Variants in SPSB1 observed in about 807,000 individuals in gnomAD.
The protein encoded by SPSB1 is SPRY domain-containing SOCS box protein 1.
SPSB1 carries 8 observed loss-of-function variants against 21.2 expected under a neutral mutation model. The ratio of observed to expected loss-of-function variants is 0.38; its 90% CI spans 0.22 to 0.68. SPSB1 has a LOEUF of 0.68. Among genes scored for constraint, SPSB1 ranks in the 30% least tolerant of loss-of-function variants. The pLI, the probability that SPSB1 is intolerant of heterozygous loss-of-function variation, is 0.53. For missense variants in SPSB1, 242 were observed against 377.8 expected (o/e 0.64, Z 2.98); for synonymous variants, 169 against 161.7 (o/e 1.05, Z -0.34).
intron 1 of SPSB1, among the ~76,000 whole-genome samples, chr1:9,299,229 C>G (rs1639275128): frequency 1.3e-5 from 2 of 152,228 alleles, no homozygotes; most frequent in Admixed American, 6.5e-5. Context: ...CAGTTTGCAT[C>G]CAGCTGGTAA....
At chr1:9,360,645 CCT>C (rs1280157098) in intron 2 of SPSB1, among the ~76,000 whole-genome samples, 4 of 152,202 alleles carry the variant, frequency 2.6e-5, no homozygotes, top group African/African-American at 7.2e-5. Context: ...TGAGTCCCAG[CCT>C]CTGTTTCCCC....
At chr1:9,311,021 T>A (rs1358129570) in intron 1 of SPSB1, among the ~76,000 whole-genome samples, 1 of 152,186 alleles carries the variant, frequency 6.6e-6, no homozygotes, top group African/African-American at 2.4e-5. Context: ...CTTCTAATTG[T>A]ATCCTATCGG....
At chr1:9,325,215 T>TC (rs1264494421) in intron 1 of SPSB1, among the ~76,000 whole-genome samples, 47 of 25,272 alleles carry the variant, frequency 1.9e-3, no homozygotes, top group South Asian at 5.6e-3. Context: ...AGCCAATGCC[T>TC]CCCACCACCA....
At chr1:9,352,539 G>A (rs1272552052) in intron 1 of SPSB1, among the ~76,000 whole-genome samples, 1 of 152,184 alleles carries the variant, frequency 6.6e-6, no homozygotes, top group Non-Finnish European at 1.5e-5. Flanking sequence ...TCAAAGCCAG[G>A]CATTTACTAT....
At chr1:9,354,114 T>C (rs1640321881) in intron 1 of SPSB1, among the ~76,000 whole-genome samples, 1 of 152,178 alleles carries the variant, frequency 6.6e-6, no homozygotes, top group Non-Finnish European at 1.5e-5. Flanking sequence ...GAGGGAGCTC[T>C]AGGCCAGCCC....
intron 2 of SPSB1, among the ~76,000 whole-genome samples, chr1:9,360,074 CAGAG>C (rs1414911592): frequency 2.0e-5 from 3 of 152,146 alleles, no homozygotes; most frequent in Non-Finnish European, 2.9e-5. Flanking sequence ...AGCCTAGTCT[CAGAG>C]AGCGGTCAGT....
chr1:9,361,166 T>TTTCTTTTTTTTC (rs1557467318), intron 2 of SPSB1, among the ~76,000 whole-genome samples: 3 of 141,068 alleles, frequency 2.1e-5, no homozygotes, highest in African/African-American at 8.1e-5. Context: ...CTTTTTTTTT[T>TTTCTTTTTTTTC]TTTTTTTTTT....
At chr1:9,312,357 G>C (rs1639534160) in intron 1 of SPSB1, among the ~76,000 whole-genome samples, 1 of 151,934 alleles carries the variant, frequency 6.6e-6, no homozygotes, top group Non-Finnish European at 1.5e-5. Flanking sequence ...AAAGCAGGGA[G>C]TCCCTGACCT....
Position 9,363,362 on chromosome 1 carries a change from G to C in SPSB1, c.695-4086G>C, listed in dbSNP as rs1640508897. ...CACTGCCACTTCTCTAGCCCGTCTT[G>C]GTGGATCCCATGACCCATCCCTAAC... On this transcript the variant is annotated intron_variant, in intron 2 of 2. Coordinates refer to ENST00000328089, the MANE Select transcript of SPSB1 (RefSeq NM_025106.4). The surrounding 1 kb of genome is among the most constrained non-coding windows in gnomAD (Gnocchi z 4.5). Among the ~76,000 whole-genome samples the C allele has an allele frequency of 6.6e-6, 1 of 152,144 alleles. No individual in the cohort carries two copies. Among genetic ancestry groups the C allele is most frequent in the South Asian group, 2.1e-4 (1 of 4,810 alleles).
intron 1 of SPSB1, among the ~76,000 whole-genome samples, chr1:9,319,608 G>A (rs1024610955): frequency 2.6e-5 from 4 of 152,300 alleles, no homozygotes; most frequent in Middle Eastern, 3.4e-3. Context: ...TGTGTCTCAC[G>A]GTGGCTGATG....
chr1:9,332,392 G>T (rs1237100330), intron 1 of SPSB1, among the ~76,000 whole-genome samples: 1 of 152,186 alleles, frequency 6.6e-6, no homozygotes, highest in Non-Finnish European at 1.5e-5. Context: ...AGGAATTGAG[G>T]GAGATGAGGG....
intron 1 of SPSB1, among the ~76,000 whole-genome samples, chr1:9,354,857 C>G (rs1640336328): frequency 6.6e-6 from 1 of 152,020 alleles, no homozygotes; most frequent in Non-Finnish European, 1.5e-5. Flanking sequence ...GTAGATGATG[C>G]AGTGAGATCT....
In SPSB1 at chr1:9,356,200, G is replaced by A. The variant is rs34876467; in HGVS notation, c.309G>A (p.Thr103=). The A allele has an allele frequency of 9.7e-4, 1,542 of 1,590,826 alleles. 18 individuals are homozygous for A. In the African/African-American group the frequency reaches 0.019, roughly 19 times the overall value. ...YTRGLHVWQI[T]WAMRQRGTHA... Reference sequence around the variant, plus strand: ...GTGGGCTGCACGTGTGGCAGATCACGTGGGCCATGAGACAGCGGGGCACAC... The same window carrying A: ...GTGGGCTGCACGTGTGGCAGATCACATGGGCCATGAGACAGCGGGGCACAC... The change falls in exon 2 of 3, where the codon ACG becomes ACA. Residue 103 remains threonine (T), a synonymous_variant. Coordinates refer to ENST00000328089, the MANE Select transcript of SPSB1 (RefSeq NM_025106.4). The surrounding 1 kb of genome is among the most constrained non-coding windows in gnomAD (Gnocchi z 7.4).
rs559803680 is a variant in SPSB1, at chr1:9,324,921, G to A, written c.-149-30822G>A. Among the ~76,000 whole-genome samples, 1 of 152,218 alleles carries A rather than the reference G, an allele frequency of 6.6e-6. No individual in the cohort carries two copies. The highest frequency in any genetic ancestry group is 1.9e-4 in the East Asian group (1 of 5,198). ...GCTTTCTTGGAAAAGCGAGTGGGGT[G>A]GGGGAGCAGGGACACCCGGCCTGGC... On this transcript the variant is annotated intron_variant, in intron 1 of 2. Coordinates refer to ENST00000328089, the MANE Select transcript of SPSB1 (RefSeq NM_025106.4). This position sits in a 1 kb window ranked among gnomAD's most constrained non-coding sequence, Gnocchi z 4.3.
chr1:9,306,509 A>C (rs1448120742), intron 1 of SPSB1, among the ~76,000 whole-genome samples: 2 of 152,174 alleles, frequency 1.3e-5, no homozygotes, highest in Non-Finnish European at 2.9e-5. Context: ...CTGTGCATGC[A>C]TCAAGTCATT....
chr1:9,293,037 T>C lies in SPSB1; in HGVS notation c.-184T>C, dbSNP rs1639146028. 4.1e-6 allele frequency: 4 copies of C among 978,406 alleles called. No individual in the cohort carries two copies. Among genetic ancestry groups the C allele is most frequent in the Admixed American group, 6.3e-5 (1 of 15,790 alleles). The allele number at this position is 978,406 out of a possible 1,614,324, so 60.6% of individuals were successfully genotyped here. A position where few individuals can be genotyped will look rare whatever the true frequency, so the allele number is the denominator to read the frequency against. On this transcript the variant is annotated 5_prime_UTR_variant, in exon 1 of 3. Transcript: ENST00000328089. This position sits in a 1 kb window ranked among gnomAD's most constrained non-coding sequence, Gnocchi z 5.1. ...CCGGGCGCCCGAGCCTCCTCGGCCT[T>C]GGAGAGCAGCGGCGGCGGCGGCACC...
intron 1 of SPSB1, among the ~76,000 whole-genome samples, chr1:9,301,447 C>T (rs1314676128): frequency 6.6e-6 from 1 of 152,172 alleles, no homozygotes; most frequent in Non-Finnish European, 1.5e-5. Context: ...CTGCAGTGAG[C>T]TGTGATTGCT....
intron 1 of SPSB1, among the ~76,000 whole-genome samples, chr1:9,330,935 CT>C (rs56819014): frequency 0.24 from 35,765 of 149,654 alleles, 5,081 homozygotes; most frequent in East Asian, 0.48. Flanking sequence ...TTTTCTGCGT[CT>C]TTTTTTTTTA....
At chr1:9,303,996 T>C (rs1395399391) in intron 1 of SPSB1, among the ~76,000 whole-genome samples, 1 of 152,152 alleles carries the variant, frequency 6.6e-6, no homozygotes, top group Non-Finnish European at 1.5e-5. Flanking sequence ...TGTGAGGGTG[T>C]TTTTGGCATT....
Sources: allele counts gnomAD v4.1 joint callset (sites outside exome capture counted in the v4.1 genomes callset), GRCh38; gene constraint gnomAD v4.1.1; non-coding constraint Gnocchi (gnomAD v3.1); transcripts MANE v1.5; gene names NCBI Gene and HGNC (gene_info 2026-07-23, HGNC 2026-07-21).